Variants in TRIM26 observed in about 807,000 individuals in gnomAD.
The protein encoded by TRIM26 is tripartite motif-containing protein 26.
In TRIM26, 16 loss-of-function variants were observed where a neutral mutation model predicts 45.5. That is an observed-to-expected ratio of 0.35 (90% CI 0.24 to 0.53). The LOEUF is 0.53. TRIM26 is among the 20% of genes least tolerant of loss of function. The pLI is 0.92. For synonymous variants in TRIM26, 273 were observed against 290.4 expected, an observed-to-expected ratio of 0.94 and a Z score of 0.61; for missense variants, 442 against 691.1, an observed-to-expected ratio of 0.64 and a Z score of 4.04.
At position 30,211,947 on chromosome 6, in the gene TRIM26, C is replaced by G. The variant is rs1240078604; in HGVS notation, c.-376+1358G>C. ...AGAAGGGGGAATATAACTCTTGGCT[C>G]CCTAGGTATGGGCTGCACTTAGTGA... On this transcript the variant is annotated intron_variant, in intron 1 of 9. Coordinates refer to ENST00000454678, the MANE Select transcript of TRIM26 (RefSeq NM_003449.5). Among the ~76,000 whole-genome samples, 2 of 152,124 alleles carry G rather than the reference C, an allele frequency of 1.3e-5. 1 individual carries two copies. Among genetic ancestry groups the G allele is most frequent in the Non-Finnish European group, 2.9e-5 (2 of 68,018 alleles).
intron 1 of TRIM26, among the ~76,000 whole-genome samples, chr6:30,205,472 G>A (rs550305242): frequency 2.0e-5 from 3 of 152,158 alleles, no homozygotes; most frequent in Non-Finnish European, 4.4e-5. Context: ...TGGTCAAGGT[G>A]ACACCATGTA....
Position 30,196,530 on chromosome 6 carries a change from C to T in TRIM26, c.751G>A (p.Ala251Thr). 6.2e-7 allele frequency: 1 copy of T among 1,608,520 alleles called. No homozygotes were observed. Among genetic ancestry groups the T allele is most frequent in the Non-Finnish European group, 8.5e-7 (1 of 1,180,010 alleles). ...ELEGKAQQPA[A>T]ELMQDTRDFL... The stretch of plus-strand genomic sequence containing the variant: ...CGGCCTCTCACCTGCATGAGCTCTG[C>T]AGCTGGCTGCTGCGCCTTGCCCTCC... Residue 251 changes from alanine to threonine, a missense_variant, in exon 6 of 10, where the codon GCA becomes ACA. Physicochemically the swap from Ala to Thr is moderately conservative, Grantham distance 58. Transcript: ENST00000454678. This position sits in a 1 kb window ranked among gnomAD's most constrained non-coding sequence, Gnocchi z 4.9.
At chr6:30,201,797 G>A (rs1198996175) in intron 2 of TRIM26, among the ~76,000 whole-genome samples, 1 of 151,560 alleles carries the variant, frequency 6.6e-6, no homozygotes, top group Non-Finnish European at 1.5e-5. Context: ...GCAGTGAGCC[G>A]AGATCGTGCC....
chr6:30,191,162 A>G (rs1257858540), intron 6 of TRIM26, among the ~76,000 whole-genome samples: 1 of 152,146 alleles, frequency 6.6e-6, no homozygotes, highest in Admixed American at 6.5e-5. Context: ...TCAAGGATAA[A>G]CAAGAACAGA....
At chr6:30,187,361 C>A in intron 9 of TRIM26, 1 of 329,890 alleles carries the variant, frequency 3.0e-6, no homozygotes, top group Non-Finnish European at 6.3e-6. Flanking sequence ...TTCAGGCATT[C>A]GGCAACTCCT....
intron 6 of TRIM26, among the ~76,000 whole-genome samples, chr6:30,193,182 A>ATAT (rs9280916): frequency 1.8e-4 from 7 of 38,818 alleles, no homozygotes; most frequent in African/African-American, 4.9e-4. Context: ...ATATATATAT[A>ATAT]TTTTTTTTTT....
Position 30,208,904 on chromosome 6 carries a change from ATGTGTGTG to A in TRIM26, c.-375-4147_-375-4140del, listed in dbSNP as rs9278612. On this transcript the variant is annotated intron_variant, in intron 1 of 9. Transcript: ENST00000454678. Reference sequence around the variant, plus strand: ...CACTCTGGAGGATGGGATATAGAATATGTGTGTGTGTGTGTGTGTGTGTGTGTGTGTGT... The same window carrying A: ...CACTCTGGAGGATGGGATATAGAATATGTGTGTGTGTGTGTGTGTGTGTGT... 2.0e-3 allele frequency among the ~76,000 whole-genome samples: 283 copies of A among 140,828 alleles called. 2 individuals carry two copies. Among genetic ancestry groups the A allele is most frequent in the East Asian group, 4.9e-3 (23 of 4,698 alleles). The allele number at this position is 140,828 out of a possible 152,430, so 92.4% of individuals were successfully genotyped here.
At chr6:30,203,640 C>T (rs2517608) in intron 2 of TRIM26, among the ~76,000 whole-genome samples, 34,665 of 151,866 alleles carry the variant, frequency 0.23, 4,438 homozygotes, top group African/African-American at 0.33. Flanking sequence ...TGGTCTCAAA[C>T]TCCTGACCTC....
Position 30,196,864 on chromosome 6 carries a change from G to T in TRIM26, c.535-118C>A. ...GCTACCCCCGTTCAGGAATTCTACA[G>T]GATCTGGAGTGGGAGGAGCTACAGA... On this transcript the variant is annotated intron_variant, in intron 5 of 9. Transcript: ENST00000454678. This position sits in a 1 kb window ranked among gnomAD's most constrained non-coding sequence, Gnocchi z 4.9. 1.0e-6 allele frequency: 1 copy of T among 969,620 alleles called. No individual in the cohort carries two copies. Among genetic ancestry groups the T allele is most frequent in the Non-Finnish European group, 1.5e-6 (1 of 649,036 alleles). The allele number at this position is 969,620 out of a possible 1,614,324, so 60.1% of individuals were successfully genotyped here. A position where few individuals can be genotyped will look rare whatever the true frequency, so the allele number is the denominator to read the frequency against.
chr6:30,192,450 T>C (rs891656166), intron 6 of TRIM26, among the ~76,000 whole-genome samples: 7 of 152,202 alleles, frequency 4.6e-5, no homozygotes, highest in African/African-American at 1.4e-4. Flanking sequence ...TCCCAGCCCA[T>C]AGGTTTGTCT....
rs62407499 is a variant in TRIM26, at chr6:30,189,262, C to T, written c.905-63G>A. ...AAAATTTATGAGCCCATTTCTTGCT[C>T]GGGCAGTATCAATTTCCTGATAGGG... is the stretch of plus-strand genomic sequence containing the variant. On this transcript the variant is annotated intron_variant, in intron 8 of 9. Transcript: ENST00000454678. The surrounding 1 kb of genome is among the most constrained non-coding windows in gnomAD (Gnocchi z 5.0). 1.1e-5 allele frequency: 18 copies of T among 1,608,638 alleles called. No homozygotes were observed. Among genetic ancestry groups the T allele is most frequent in the Non-Finnish European group, 1.4e-5 (16 of 1,176,208 alleles).
Position 30,185,557 on chromosome 6 carries a change from C to T in TRIM26, c.*319G>A, listed in dbSNP as rs983995194. On this transcript the variant is annotated 3_prime_UTR_variant, in exon 10 of 10. Transcript: ENST00000454678. This position sits in a 1 kb window ranked among gnomAD's most constrained non-coding sequence, Gnocchi z 5.7. ...CACACTGGGCAAGAAAATGCTGCAT[C>T]GGGCCCTTATTCCAGAGAGTGCAGA... 3.1e-5 allele frequency: 12 copies of T among 384,418 alleles called. No homozygotes were observed. Among genetic ancestry groups the T allele is most frequent in the Non-Finnish European group, 5.5e-5 (12 of 216,404 alleles). The allele number at this position is 384,418 out of a possible 1,614,324, so 23.8% of individuals were successfully genotyped here. A position where few individuals can be genotyped will look rare whatever the true frequency, so the allele number is the denominator to read the frequency against.
intron 3 of TRIM26, among the ~76,000 whole-genome samples, chr6:30,199,569 G>A (rs1483334108): frequency 6.6e-6 from 1 of 151,686 alleles, no homozygotes; most frequent in Non-Finnish European, 1.5e-5. Context: ...ACTCAACTGT[G>A]CAAAGCACAA....
Position 30,196,536 on chromosome 6 carries a change from G to A in TRIM26, c.745C>T (p.Pro249Ser). The A allele has an allele frequency of 6.2e-7, 1 of 1,609,142 alleles. No individual in the cohort carries two copies. The highest frequency in any genetic ancestry group is 8.5e-7 in the Non-Finnish European group (1 of 1,179,998). The change falls in exon 6 of 10, where the codon CCA becomes TCA. Residue 249 changes from proline (P) to serine (S), a missense_variant. Coordinates refer to ENST00000454678, the MANE Select transcript of TRIM26 (RefSeq NM_003449.5). This position sits in a 1 kb window ranked among gnomAD's most constrained non-coding sequence, Gnocchi z 4.9. ...ISELEGKAQQ[P>S]AAELMQDTRD... ...CTCACCTGCATGAGCTCTGCAGCTG[G>A]CTGCTGCGCCTTGCCCTCCAGTTCG...
At chr6:30,194,919 T>C (rs1428985413) in intron 6 of TRIM26, among the ~76,000 whole-genome samples, 1 of 151,946 alleles carries the variant, frequency 6.6e-6, no homozygotes, top group Non-Finnish European at 1.5e-5. Flanking sequence ...CAAAAACCTC[T>C]ACATCCCATA....
chr6:30,194,057 A>G (rs1371708349), intron 6 of TRIM26, among the ~76,000 whole-genome samples: 1 of 152,242 alleles, frequency 6.6e-6, no homozygotes, highest in Non-Finnish European at 1.5e-5. Flanking sequence ...AAATAGAACT[A>G]CCATATGATC....
At position 30,189,695 on chromosome 6, in the gene TRIM26, G is replaced by A; in HGVS notation, c.789-162C>T. ...TGGCCCAAAGACACCAGCTGAACCAGGGCTTCAGAACATCAGTAGACTCCA... is the reference window on the plus strand; with the variant it reads ...TGGCCCAAAGACACCAGCTGAACCAAGGCTTCAGAACATCAGTAGACTCCA... On this transcript the variant is annotated intron_variant, in intron 7 of 9. Transcript: ENST00000454678. This position sits in a 1 kb window ranked among gnomAD's most constrained non-coding sequence, Gnocchi z 5.0. 1 of 676,268 alleles carries A rather than the reference G, an allele frequency of 1.5e-6. No individual in the cohort carries two copies. Among genetic ancestry groups the A allele is most frequent in the Non-Finnish European group, 2.5e-6 (1 of 396,478 alleles). The allele number at this position is 676,268 out of a possible 1,614,324, so 41.9% of individuals were successfully genotyped here.
rs1330262826 is a variant in TRIM26 at position 30,204,707 on chromosome 6, T to G, written c.-317A>C. Reference sequence around the variant, plus strand: ...TATGCCGTCAGTATATTCTCTGTGATCTCAACAGGTTTCCACAATAAGAGG... The same window carrying G: ...TATGCCGTCAGTATATTCTCTGTGAGCTCAACAGGTTTCCACAATAAGAGG... On this transcript the variant is annotated 5_prime_UTR_variant, in exon 2 of 10. Transcript: ENST00000454678. 1 of 152,134 alleles carries G rather than the reference T, an allele frequency of 6.6e-6. No homozygotes were observed. Among genetic ancestry groups the G allele is most frequent in the Admixed American group, 6.6e-5 (1 of 15,262 alleles). 9.4% of individuals were successfully genotyped at this position (152,134 alleles called of 1,614,324 possible). A position where few individuals can be genotyped will look rare whatever the true frequency, so the allele number is the denominator to read the frequency against.
In TRIM26 at chr6:30,184,527, G is replaced by C. The variant is rs576071573; in HGVS notation, c.*1349C>G. 1 of 152,490 alleles carries C rather than the reference G, an allele frequency of 6.6e-6. No homozygotes were observed. Among genetic ancestry groups the C allele is most frequent in the African/African-American group, 2.4e-5 (1 of 41,562 alleles). 9.4% of individuals were successfully genotyped at this position (152,490 alleles called of 1,614,324 possible). A position where few individuals can be genotyped will look rare whatever the true frequency, so the allele number is the denominator to read the frequency against. ...CACTAGGTGCCATGAGAATACAAGA[G>C]TAGTATAAGATGTTATCCGCCCTCC... On this transcript the variant is annotated 3_prime_UTR_variant, in exon 10 of 10. Transcript: ENST00000454678.
Sources: allele counts gnomAD v4.1 joint callset (sites outside exome capture counted in the v4.1 genomes callset), GRCh38; gene constraint gnomAD v4.1.1; non-coding constraint Gnocchi (gnomAD v3.1); transcripts MANE v1.5; gene names NCBI Gene and HGNC (gene_info 2026-07-23, HGNC 2026-07-21).